The following NVL variants were observed in gnomAD, a reference collection of about 807,000 sequenced individuals.
NVL encodes the protein nuclear valosin-containing protein-like.
A neutral mutation model predicts 110.2 loss-of-function variants in NVL; 84 were observed. The observed-to-expected ratio is 0.76, with a 90% confidence interval of 0.64 to 0.91. NVL has a LOEUF of 0.91. Ranked by LOEUF, NVL falls within the 40% of genes least tolerant of loss-of-function variation. The pLI, the probability that NVL is intolerant of heterozygous loss-of-function variation, is 0.00. For synonymous variants in NVL, 354 were observed against 361.1 expected (o/e 0.98, Z 0.22); for missense variants, 882 against 1,035.9 (o/e 0.85, Z 2.04).
At position 224,227,684 on chromosome 1, in the gene NVL, G is replaced by C. The variant is rs746400398; in HGVS notation, c.2527-14C>G. ...CATGATTTGATCCTGAAAGGAGGGA[G>C]AACACAGAATACAGAGACCGTCACT... On this transcript the variant is annotated splice_polypyrimidine_tract_variant and intron_variant, in intron 22 of 22. Transcript: ENST00000281701. 1 of 1,608,706 alleles carries C rather than the reference G, an allele frequency of 6.2e-7. No homozygotes were observed.
intron 18 of NVL, among the ~76,000 whole-genome samples, chr1:224,262,161 A>G (rs1664059041): frequency 6.6e-6 from 1 of 152,160 alleles, no homozygotes. Context: ...AGGAGGGTTT[A>G]AGATCCAAGT....
Position 224,329,058 on chromosome 1 carries a change from T to A in NVL, c.57+1013A>T, listed in dbSNP as rs116499796. On this transcript the variant is annotated intron_variant, in intron 1 of 22. Transcript: ENST00000281701. ...TCTCTACAAATAATAATAATAATAA[T>A]AAATTAGCCAGGTGTGGTGGTGCAC... 1.4e-3 allele frequency among the ~76,000 whole-genome samples: 211 copies of A among 150,734 alleles called. 1 individual carries two copies. Among genetic ancestry groups the A allele is most frequent in the African/African-American group, 5.1e-3 (208 of 40,864 alleles).
At chr1:224,284,735 C>T (rs867190538) in intron 15 of NVL, among the ~76,000 whole-genome samples, 5 of 152,084 alleles carry the variant, frequency 3.3e-5, no homozygotes, top group Admixed American at 6.6e-5. Flanking sequence ...AGCATTTTTA[C>T]CTATTAAATT....
intron 21 of NVL, chr1:224,231,970 T>C (rs1342954974): frequency 6.6e-6 from 1 of 151,706 alleles, no homozygotes; most frequent in Non-Finnish European, 1.5e-5. Context: ...GAGGTTGCAG[T>C]GAGCCGAGAT....
intron 17 of NVL, among the ~76,000 whole-genome samples, chr1:224,271,522 C>T (rs998359120): frequency 1.3e-5 from 2 of 151,428 alleles, no homozygotes; most frequent in Admixed American, 1.3e-4. Context: ...AAAACAGAAG[C>T]GTAAAATATA....
intron 10 of NVL, among the ~76,000 whole-genome samples, chr1:224,299,612 C>T (rs1028800964): frequency 7.2e-5 from 11 of 152,268 alleles, no homozygotes; most frequent in East Asian, 1.9e-4. Flanking sequence ...GTTTACCATA[C>T]GCACAAAATT....
chr1:224,231,177 G>T (rs760654564), intron 22 of NVL, 49 bp downstream of exon 22: 5 of 1,269,398 alleles, frequency 3.9e-6, no homozygotes, highest in African/African-American at 2.9e-5. Context: ...ATATCTACTG[G>T]TCTAAAATTC....
chr1:224,242,981 G>A (rs4653571), intron 19 of NVL, among the ~76,000 whole-genome samples: 10,243 of 150,892 alleles, frequency 0.068, 560 homozygotes, highest in East Asian at 0.32. Context: ...GTGTGCCACC[G>A]CACCCAGCTA....
intron 9 of NVL, among the ~76,000 whole-genome samples, chr1:224,303,450 T>C (rs537237146): frequency 6.6e-6 from 1 of 150,504 alleles, no homozygotes; most frequent in East Asian, 2.0e-4. Flanking sequence ...AAAAAAAAAC[T>C]GTATTATTTT....
In NVL at chr1:224,236,492, A is replaced by C; in HGVS notation, c.2366+14T>G. The C allele has an allele frequency of 6.2e-7, 1 of 1,605,556 alleles. No individual in the cohort carries two copies. Among genetic ancestry groups the C allele is most frequent in the Non-Finnish European group, 8.5e-7 (1 of 1,172,228 alleles). ...ACCCCAGAGAGTGAATTGACTTAAG[A>C]TTTAAACACTTACGTATAGCAATCA... On this transcript the variant is annotated intron_variant, in intron 20 of 22. Coordinates refer to ENST00000281701, the MANE Select transcript of NVL (RefSeq NM_002533.4).
chr1:224,314,703 C>A (rs763764229), intron 4 of NVL, among the ~76,000 whole-genome samples: 1 of 152,050 alleles, frequency 6.6e-6, no homozygotes, highest in Non-Finnish European at 1.5e-5. Context: ...GAACACTTTC[C>A]CACTAATATC....
At chr1:224,295,401 C>T (rs1398246594) in intron 11 of NVL, among the ~76,000 whole-genome samples, 7 of 151,778 alleles carry the variant, frequency 4.6e-5, no homozygotes, top group African/African-American at 1.2e-4. Context: ...AGAGTTTCAC[C>T]GTGTTAACCA....
chr1:224,248,083 T>G (rs1231776520), intron 19 of NVL, among the ~76,000 whole-genome samples: 1 of 152,140 alleles, frequency 6.6e-6, no homozygotes, highest in African/African-American at 2.4e-5. Context: ...CCCAACATCC[T>G]GCTCAACTTT....
chr1:224,245,605 G>A (rs963871837), intron 19 of NVL, among the ~76,000 whole-genome samples: 6 of 152,116 alleles, frequency 3.9e-5, no homozygotes, highest in Admixed American at 1.3e-4. Flanking sequence ...CCCTTCTGCC[G>A]TTGGCACAGA....
chr1:224,292,912 G>A (rs898855801), intron 12 of NVL, among the ~76,000 whole-genome samples: 4 of 151,774 alleles, frequency 2.6e-5, no homozygotes, highest in East Asian at 1.9e-4. Context: ...CATCACGCCC[G>A]GCTAATTTTT....
At chr1:224,324,330 TG>T in intron 2 of NVL, among the ~76,000 whole-genome samples, 1 of 152,362 alleles carries the variant, frequency 6.6e-6, no homozygotes, top group Admixed American at 6.5e-5. Flanking sequence ...GCAGATAACT[TG>T]TCTGGTTTCA....
At chr1:224,251,673 T>C (rs1330723882) in intron 18 of NVL, among the ~76,000 whole-genome samples, 1 of 151,936 alleles carries the variant, frequency 6.6e-6, no homozygotes, top group Non-Finnish European at 1.5e-5. Flanking sequence ...AACATGTCCT[T>C]AAGTAAATGA....
intron 6 of NVL, 81 bp downstream of exon 6, chr1:224,307,910 G>GT (rs1669094318): frequency 1.5e-6 from 2 of 1,340,450 alleles, no homozygotes; most frequent in Non-Finnish European, 2.0e-6. Context: ...CAAAACACAA[G>GT]TATCTGATTG....
At chr1:224,324,713 T>C (rs988179088) in intron 2 of NVL, among the ~76,000 whole-genome samples, 11 of 152,194 alleles carry the variant, frequency 7.2e-5, no homozygotes, top group Admixed American at 5.9e-4. Context: ...GTGTGAGTCC[T>C]TGCATCTGGC....
Sources: gnomAD v4.1 joint callset for allele counts (sites outside exome capture counted in the v4.1 genomes callset) on GRCh38, gnomAD v4.1.1 for gene constraint, MANE v1.5 for transcripts, NCBI Gene and HGNC (gene_info 2026-07-23, HGNC 2026-07-21) for gene names.